ZNF385B: variants seen among roughly 807,000 people sequenced by gnomAD.
ZNF385B encodes zinc finger protein 533.
Under a neutral mutation model 39.2 loss-of-function variants are expected in ZNF385B, and 23 were observed. The observed-to-expected ratio is 0.59, with a 90% CI of 0.42 to 0.83. ZNF385B has a LOEUF of 0.83. Ranked by LOEUF, ZNF385B falls within the 40% of genes least tolerant of loss-of-function variation. ZNF385B has a pLI of 0.00. For synonymous variants in ZNF385B, 205 were observed against 222.6 expected (o/e 0.92, Z 0.70); for missense variants, 552 against 598.9 (o/e 0.92, Z 0.82).
chr2:179,754,065 G>A (rs938360561), intron 3 of ZNF385B, among the ~76,000 whole-genome samples: 1 of 152,120 alleles, frequency 6.6e-6, no homozygotes, highest in Non-Finnish European at 1.5e-5. Context: ...TATTGGCTGT[G>A]GGTTTGTCAT....
At chr2:179,477,638 T>C (rs528535181) in intron 6 of ZNF385B, among the ~76,000 whole-genome samples, 1 of 152,316 alleles carries the variant, frequency 6.6e-6, no homozygotes, top group African/African-American at 2.4e-5. Flanking sequence ...CCTTCTAACA[T>C]GCTGCAATGC....
At position 179,675,496 on chromosome 2, in the gene ZNF385B, A is replaced by G. The variant is rs548638997; in HGVS notation, c.298+94007T>C. Among the ~76,000 whole-genome samples the G allele has an allele frequency of 2.6e-5, 4 of 152,370 alleles. No homozygotes were observed. The South Asian group carries it at 8.3e-4, about 32-fold the overall frequency. Reference sequence around the variant, plus strand: ...TAATTGACTCTAATCCAATTGACCTAGAATTACCAGTACCTTGTCAATCTG... The same window carrying G: ...TAATTGACTCTAATCCAATTGACCTGGAATTACCAGTACCTTGTCAATCTG... On this transcript the variant is annotated intron_variant, in intron 3 of 9. Transcript: ENST00000410066.
chr2:179,454,040 T>C (rs949927760), intron 6 of ZNF385B, among the ~76,000 whole-genome samples: 2 of 152,160 alleles, frequency 1.3e-5, no homozygotes, highest in African/African-American at 2.4e-5. Context: ...GAGCAGACCA[T>C]GCCCCTTTTC....
chr2:179,703,127 C>A (rs746168618), intron 3 of ZNF385B, among the ~76,000 whole-genome samples: 4 of 152,246 alleles, frequency 2.6e-5, no homozygotes, highest in Non-Finnish European at 4.4e-5. Flanking sequence ...AAAGTTCTAA[C>A]AATGCTATAG....
At chr2:179,609,444 T>C (rs761321463) in intron 3 of ZNF385B, among the ~76,000 whole-genome samples, 9 of 152,220 alleles carry the variant, frequency 5.9e-5, no homozygotes, top group African/African-American at 2.2e-4. Flanking sequence ...GTGCATTGTG[T>C]ATATGTACCA....
At position 179,701,033 on chromosome 2, in the gene ZNF385B, A is replaced by AAAACAG. The variant is rs1164095765; in HGVS notation, c.298+68469_298+68470insCTGTTT. On this transcript the variant is annotated intron_variant, in intron 3 of 9. Coordinates refer to ENST00000410066, the MANE Select transcript of ZNF385B (RefSeq NM_152520.6). The stretch of plus-strand genomic sequence containing the variant: ...ATTTCAAAAAAACAAAACAAAAACA[A>AAAACAG]AAACAAAACAAAAAAACACTCATTG... 3.5e-4 allele frequency among the ~76,000 whole-genome samples: 54 copies of AAAACAG among 152,290 alleles called. 1 individual carries two copies. The East Asian group carries it at 0.01, about 29-fold the overall frequency.
intron 1 of ZNF385B, among the ~76,000 whole-genome samples, chr2:179,774,370 GTTTGT>G (rs1483327192): frequency 6.6e-5 from 10 of 150,858 alleles, no homozygotes; most frequent in African/African-American, 2.4e-4. Flanking sequence ...TCTTTTTTTT[GTTTGT>G]TTTAAGATGG....
chr2:179,833,749 C>G (rs1708103270), intron 1 of ZNF385B, among the ~76,000 whole-genome samples: 1 of 151,908 alleles, frequency 6.6e-6, no homozygotes. Context: ...ATGGGAGAAA[C>G]TAAAATTGAA....
chr2:179,486,047 G>T (rs2054536793), intron 5 of ZNF385B, among the ~76,000 whole-genome samples: 2 of 152,252 alleles, frequency 1.3e-5, no homozygotes, highest in African/African-American at 4.8e-5. Context: ...GGAGAAAAGT[G>T]TAACATTATT....
intron 4 of ZNF385B, among the ~76,000 whole-genome samples, chr2:179,542,460 G>GA (rs1278067788): frequency 1.3e-5 from 2 of 151,530 alleles, no homozygotes; most frequent in Non-Finnish European, 2.9e-5. Flanking sequence ...TTCCAAGAAG[G>GA]AAAAAAAATG....
intron 1 of ZNF385B, among the ~76,000 whole-genome samples, chr2:179,828,462 C>T (rs1707800837): frequency 6.6e-6 from 1 of 152,108 alleles, no homozygotes; most frequent in South Asian, 2.1e-4. Flanking sequence ...AAAGTAAAAA[C>T]ATGACCTCAT....
chr2:179,540,960 C>T (rs1014550681), intron 4 of ZNF385B, among the ~76,000 whole-genome samples: 2 of 152,110 alleles, frequency 1.3e-5, no homozygotes, highest in African/African-American at 4.8e-5. Flanking sequence ...TAGTGGGTAG[C>T]CAGGCACAGG....
At chr2:179,711,881 A>ATTTTT (rs747336802) in intron 3 of ZNF385B, among the ~76,000 whole-genome samples, 2 of 90,930 alleles carry the variant, frequency 2.2e-5, no homozygotes, top group African/African-American at 8.8e-5. Flanking sequence ...TATAAACTGC[A>ATTTTT]TTTTTTTTTT....
intron 3 of ZNF385B, among the ~76,000 whole-genome samples, chr2:179,695,971 G>A (rs1698705593): frequency 6.6e-6 from 1 of 152,186 alleles, no homozygotes; most frequent in Admixed American, 6.5e-5. Flanking sequence ...AACATGGCTA[G>A]GTCTTAAAAG....
At chr2:179,563,589 T>C (rs1301744701) in intron 3 of ZNF385B, among the ~76,000 whole-genome samples, 1 of 152,294 alleles carries the variant, frequency 6.6e-6, no homozygotes, top group Middle Eastern at 3.4e-3. Flanking sequence ...AGTGAATAAT[T>C]AGATGCAGCA....
chr2:179,569,978 T>A (rs1685029864), intron 3 of ZNF385B, among the ~76,000 whole-genome samples: 1 of 152,274 alleles, frequency 6.6e-6, no homozygotes, highest in East Asian at 1.9e-4. Flanking sequence ...TAGAAGCAGT[T>A]CTTTTCCAAA....
At chr2:179,649,034 A>T (rs1022569989) in intron 3 of ZNF385B, among the ~76,000 whole-genome samples, 1 of 152,206 alleles carries the variant, frequency 6.6e-6, no homozygotes, top group African/African-American at 2.4e-5. Context: ...CAGTAATGGG[A>T]GAAATTAAAA....
At chr2:179,503,814 T>A (rs2056979631) in intron 5 of ZNF385B, among the ~76,000 whole-genome samples, 3 of 151,846 alleles carry the variant, frequency 2.0e-5, no homozygotes, top group African/African-American at 7.3e-5. Context: ...AACTCATCAT[T>A]TTTTATGGCT....
At chr2:179,479,985 T>C (rs1003548443) in intron 6 of ZNF385B, among the ~76,000 whole-genome samples, 13 of 152,178 alleles carry the variant, frequency 8.5e-5, no homozygotes, top group Non-Finnish European at 1.9e-4. Flanking sequence ...CTATTCCCTC[T>C]CTTTCAAAAT....
Sources: allele counts gnomAD v4.1 joint callset (sites outside exome capture counted in the v4.1 genomes callset), GRCh38; gene constraint gnomAD v4.1.1; transcripts MANE v1.5; gene names NCBI Gene and HGNC (gene_info 2026-07-23, HGNC 2026-07-21).